The following ASCC3 variants were observed in gnomAD, a reference collection of about 807,000 sequenced individuals.
The protein encoded by ASCC3 is activating signal cointegrator 1 complex subunit 3, also known as ASC-1 complex subunit P200.
Under a neutral mutation model 256.3 loss-of-function variants are expected in ASCC3, and 158 were observed. The observed-to-expected ratio is 0.62, with a 90% CI of 0.54 to 0.70. The LOEUF (loss-of-function observed/expected upper bound fraction) is 0.70, where lower values mean the gene tolerates loss of function less well. Among genes scored for constraint, ASCC3 ranks in the 30% least tolerant of loss-of-function variants. The pLI, the probability that ASCC3 is intolerant of heterozygous loss-of-function variation, is 0.00. For synonymous variants in ASCC3, 948 were observed against 883.4 expected, an observed-to-expected ratio of 1.07 and a Z score of -1.30; for missense variants, 2,259 against 2,626.0, an observed-to-expected ratio of 0.86 and a Z score of 3.05.
chr6:100,832,709 T>A lies in ASCC3; in HGVS notation c.801+15439A>T, dbSNP rs545492301. Among the ~76,000 whole-genome samples, 5 of 152,188 alleles carry A rather than the reference T, an allele frequency of 3.3e-5. No homozygotes were observed. The South Asian group carries it at 1.0e-3, about 32-fold the overall frequency. ...AGTATGCACCAGACGTAAAATTCAA[T>A]CTATTAGCTCCTAAACCAGAAAGAG... On this transcript the variant is annotated intron_variant, in intron 4 of 41. Coordinates refer to ENST00000369162, the MANE Select transcript of ASCC3 (RefSeq NM_006828.4).
intron 24 of ASCC3, among the ~76,000 whole-genome samples, chr6:100,641,615 A>T (rs1299188035): frequency 6.6e-6 from 1 of 152,212 alleles, no homozygotes; most frequent in African/African-American, 2.4e-5. Flanking sequence ...GCGATTCCTC[A>T]GGGATCTAGA....
intron 3 of ASCC3, among the ~76,000 whole-genome samples, chr6:100,851,334 C>G (rs917538979): frequency 7.2e-5 from 11 of 152,046 alleles, no homozygotes; most frequent in African/African-American, 2.7e-4. Flanking sequence ...GAAGAACAGC[C>G]TTATTATCTA....
chr6:100,710,739 A>T (rs528815558), intron 13 of ASCC3, among the ~76,000 whole-genome samples: 33 of 152,310 alleles, frequency 2.2e-4, no homozygotes, highest in African/African-American at 7.2e-4. Context: ...TCTAAAATAG[A>T]AGATATAACT....
intron 39 of ASCC3, among the ~76,000 whole-genome samples, chr6:100,515,223 T>C (rs1409147733): frequency 1.3e-5 from 2 of 152,226 alleles, no homozygotes; most frequent in African/African-American, 4.8e-5. Context: ...TATATTGTTT[T>C]TATTCATAAT....
At chr6:100,633,702 C>T (rs1367547197) in intron 25 of ASCC3, among the ~76,000 whole-genome samples, 6 of 141,828 alleles carry the variant, frequency 4.2e-5, no homozygotes, top group African/African-American at 1.6e-4. Context: ...CCCGTCACTA[C>T]TAAAAAAAAA....
intron 36 of ASCC3, among the ~76,000 whole-genome samples, chr6:100,587,527 C>A (rs1771762814): frequency 6.6e-6 from 1 of 152,116 alleles, no homozygotes; most frequent in South Asian, 2.1e-4. Context: ...TCAGAATGAA[C>A]CCTCATTGAG....
chr6:100,566,463 C>T (rs1194807283), intron 36 of ASCC3, among the ~76,000 whole-genome samples: 20 of 152,146 alleles, frequency 1.3e-4, no homozygotes, highest in Non-Finnish European at 1.2e-4. Flanking sequence ...ACAGGTCATT[C>T]CCCACCTCCT....
intron 3 of ASCC3, chr6:100,858,091 T>C: frequency 3.6e-6 from 1 of 275,282 alleles, no homozygotes; most frequent in Non-Finnish European, 5.5e-6. Context: ...AATTTACTCC[T>C]ACGTATTTGA....
intron 8 of ASCC3, among the ~76,000 whole-genome samples, chr6:100,796,184 G>A (rs1293848578): frequency 1.3e-5 from 2 of 152,104 alleles, no homozygotes; most frequent in Non-Finnish European, 2.9e-5. Flanking sequence ...ATAAAAAACA[G>A]TGACAACACC....
At chr6:100,527,085 A>G (rs1362453340) in intron 37 of ASCC3, among the ~76,000 whole-genome samples, 2 of 152,192 alleles carry the variant, frequency 1.3e-5, no homozygotes, top group African/African-American at 4.8e-5. Flanking sequence ...ATATACCCCA[A>G]GCATTGTACT....
intron 4 of ASCC3, among the ~76,000 whole-genome samples, chr6:100,822,154 G>C (rs1428799812): frequency 1.3e-5 from 2 of 152,156 alleles, no homozygotes; most frequent in Non-Finnish European, 2.9e-5. Context: ...ACTTTCAATG[G>C]ATGTCTTGTA....
chr6:100,655,570 A>C lies in ASCC3; in HGVS notation c.2823+129T>G, dbSNP rs567994258. 5.5e-4 allele frequency: 590 copies of C among 1,070,356 alleles called. 2 individuals carry two copies. The highest frequency in any genetic ancestry group is 4.7e-3 in the East Asian group (184 of 38,944). The allele number at this position is 1,070,356 out of a possible 1,614,324, so 66.3% of individuals were successfully genotyped here. A position where few individuals can be genotyped will look rare whatever the true frequency, so the allele number is the denominator to read the frequency against. ...CTATCTAATTTTTTGAAAAATATTA[A>C]ATCTCTTGTTTTTCTTCTAGGTACC... is the stretch of plus-strand genomic sequence containing the variant. On this transcript the variant is annotated intron_variant, in intron 17 of 41. Transcript: ENST00000369162.
At chr6:100,622,188 C>T (rs892577178) in intron 30 of ASCC3, among the ~76,000 whole-genome samples, 4 of 152,030 alleles carry the variant, frequency 2.6e-5, no homozygotes, top group African/African-American at 4.8e-5. Context: ...CACATGTTCA[C>T]CTATTGATAT....
Position 100,607,098 on chromosome 6 carries a change from A to G in ASCC3, c.4786-10T>C. 1 of 1,613,114 alleles carries G rather than the reference A, an allele frequency of 6.2e-7. No individual in the cohort carries two copies. On this transcript the variant is annotated splice_polypyrimidine_tract_variant and intron_variant, in intron 30 of 41. Transcript: ENST00000369162. The stretch of plus-strand genomic sequence containing the variant: ...CAATGATGTTCTCCATCTGCAAGTA[A>G]AAACAAAATTACAAGATGTAGATGC...
chr6:100,637,427 G>T (rs1280687406), intron 25 of ASCC3, among the ~76,000 whole-genome samples: 1 of 152,116 alleles, frequency 6.6e-6, no homozygotes, highest in Non-Finnish European at 1.5e-5. Flanking sequence ...AAGCTTTGAT[G>T]GACATGTACA....
chr6:100,773,522 T>G (rs1782038077), intron 8 of ASCC3, among the ~76,000 whole-genome samples: 1 of 152,188 alleles, frequency 6.6e-6, no homozygotes. Flanking sequence ...TTCTTTGTGC[T>G]TCAGCATATT....
rs539713407 is a variant in ASCC3 at position 100,732,156 on chromosome 6, G to A, written c.1738-6453C>T. Among the ~76,000 whole-genome samples the A allele has an allele frequency of 6.6e-3, 789 of 118,876 alleles. 6 individuals are homozygous for A. The highest frequency in any genetic ancestry group is 0.018 in the Middle Eastern group (3 of 164). 78.0% of individuals were successfully genotyped at this position (118,876 alleles called of 152,430 possible). A position where few individuals can be genotyped will look rare whatever the true frequency, so the allele number is the denominator to read the frequency against. ...AGCCTGGGCAACAAAGCGAGACTCCGTCTCAAAACAAAAAAAAAAAAAAAA... is the reference window on the plus strand; with the variant it reads ...AGCCTGGGCAACAAAGCGAGACTCCATCTCAAAACAAAAAAAAAAAAAAAA... On this transcript the variant is annotated intron_variant, in intron 10 of 41. Coordinates refer to ENST00000369162, the MANE Select transcript of ASCC3 (RefSeq NM_006828.4).
intron 25 of ASCC3, among the ~76,000 whole-genome samples, chr6:100,634,864 C>CAAAAAAA (rs199632200): frequency 1.2e-3 from 145 of 118,960 alleles, no homozygotes; most frequent in East Asian, 3.2e-3. Context: ...CCTCAAAAAA[C>CAAAAAAA]AAAAAAAAAA....
At chr6:100,716,720 C>G (rs1387474560) in intron 12 of ASCC3, among the ~76,000 whole-genome samples, 1 of 151,904 alleles carries the variant, frequency 6.6e-6, no homozygotes, top group African/African-American at 2.4e-5. Context: ...TTCTCCCATT[C>G]CTTTCATGAT....
Sources: allele counts gnomAD v4.1 joint callset (sites outside exome capture counted in the v4.1 genomes callset), GRCh38; gene constraint gnomAD v4.1.1; transcripts MANE v1.5; gene names NCBI Gene and HGNC (gene_info 2026-07-23, HGNC 2026-07-21).